The following XKR9 variants were observed in gnomAD, a reference collection of about 807,000 sequenced individuals.
XKR9 encodes XK-related protein 9.
Under a neutral mutation model 32.0 loss-of-function variants are expected in XKR9, and 32 were observed. The ratio of observed to expected loss-of-function variants is 1.00; its 90% confidence interval spans 0.76 to 1.34. The LOEUF is 1.34. Ranked by LOEUF, XKR9 falls within the 40% of genes most tolerant of loss-of-function variation. The probability of loss-of-function intolerance (pLI) is 0.00; values close to 1 mark genes in which losing one functional copy is unlikely to be tolerated. For synonymous variants in XKR9, 168 were observed against 143.4 expected, an observed-to-expected ratio of 1.17 and a Z score of -1.22; for missense variants, 546 against 429.7, an observed-to-expected ratio of 1.27 and a Z score of -2.39.
chr8:70,723,566 G>C (rs115935305), intron 4 of XKR9, among the ~76,000 whole-genome samples: 1,754 of 152,212 alleles, frequency 0.012, 32 homozygotes, highest in African/African-American at 0.038. Flanking sequence ...TTAACAGTCA[G>C]GCCCCTCTTC....
intron 2 of XKR9, among the ~76,000 whole-genome samples, chr8:70,678,936 G>C (rs1040281685): frequency 2.0e-5 from 3 of 152,136 alleles, no homozygotes; most frequent in Admixed American, 6.6e-5. Flanking sequence ...GTGTTAACTG[G>C]TCTGGCTGCC....
chr8:70,767,229 T>A (rs1480258561), intron 2 of XKR9, among the ~76,000 whole-genome samples: 1 of 152,198 alleles, frequency 6.6e-6, no homozygotes, highest in Non-Finnish European at 1.5e-5. Context: ...CGTCTGGACC[T>A]GGGATTTTTT....
intron 3 of XKR9, among the ~76,000 whole-genome samples, chr8:70,689,741 C>T (rs568206109): frequency 6.6e-6 from 1 of 152,090 alleles, no homozygotes; most frequent in South Asian, 2.1e-4. Context: ...ATATCCAGGA[C>T]TTATTTTGGG....
chr8:70,832,875 C>T, the XKR9 span, among the ~76,000 whole-genome samples: 3 of 152,092 alleles, frequency 2.0e-5, no homozygotes, highest in African/African-American at 4.8e-5. Context: ...ATAAGCCCCA[C>T]GAGGAGAAGA....
chr8:71,015,124 A>G, the XKR9 span, among the ~76,000 whole-genome samples: 1 of 152,216 alleles, frequency 6.6e-6, no homozygotes, highest in African/African-American at 2.4e-5. Flanking sequence ...ATTCTAAAAC[A>G]ATGCTTTTGG....
At chr8:70,995,600 A>G in the XKR9 span, among the ~76,000 whole-genome samples, 1 of 152,200 alleles carries the variant, frequency 6.6e-6, no homozygotes, top group African/African-American at 2.4e-5. Context: ...TATACTTGGT[A>G]TCTCTCCATT....
rs1563411666 is a variant in XKR9 at position 70,669,639 on chromosome 8, T to TGTGTG, written c.-361+101_-361+102insGTGTG. ...GTGTGTGTGTGTGTGTGTGTGTGTG[T>TGTGTG]AGTAGTAGTAGTAGTAGCCTGTTCA... On this transcript the variant is annotated intron_variant, in intron 1 of 4. Transcript: ENST00000408926. 2.4e-3 allele frequency: 220 copies of TGTGTG among 91,060 alleles called. 1 individual carries two copies. Among genetic ancestry groups the TGTGTG allele is most frequent in the African/African-American group, 8.8e-3 (206 of 23,372 alleles). 5.6% of individuals were successfully genotyped at this position (91,060 alleles called of 1,614,324 possible).
the XKR9 span, among the ~76,000 whole-genome samples, chr8:70,896,015 G>A: frequency 6.6e-6 from 1 of 151,984 alleles, no homozygotes; most frequent in East Asian, 1.9e-4. Flanking sequence ...TTTAAAAAAA[G>A]AAGATTTTTT....
chr8:70,709,932 GA>G (rs1424477756), intron 4 of XKR9, among the ~76,000 whole-genome samples: 1 of 151,716 alleles, frequency 6.6e-6, no homozygotes, highest in African/African-American at 2.4e-5. Flanking sequence ...TATACAGAAT[GA>G]AAAAAAGATT....
chr8:70,756,331 T>G (rs1807226094), intron 2 of XKR9, among the ~76,000 whole-genome samples: 2 of 152,260 alleles, frequency 1.3e-5, no homozygotes, highest in South Asian at 4.1e-4. Context: ...TTTTCAGCAT[T>G]ATTTTAATTG....
the XKR9 span, among the ~76,000 whole-genome samples, chr8:70,957,536 A>C: frequency 6.6e-6 from 1 of 151,206 alleles, no homozygotes; most frequent in Non-Finnish European, 1.5e-5. Flanking sequence ...TCCTCCTCCC[A>C]CTCCCCATCC....
intron 3 of XKR9, among the ~76,000 whole-genome samples, chr8:70,705,203 A>T (rs947801308): frequency 3.3e-5 from 5 of 152,178 alleles, no homozygotes; most frequent in African/African-American, 1.2e-4. Flanking sequence ...TTCATTTATT[A>T]CTTCAGTAAA....
At chr8:70,773,124 G>A (rs1807475757) in intron 2 of XKR9, among the ~76,000 whole-genome samples, 1 of 152,168 alleles carries the variant, frequency 6.6e-6, no homozygotes, top group South Asian at 2.1e-4. Context: ...TGATTACTGA[G>A]TGTTCAGGAA....
At chr8:71,011,826 T>C in the XKR9 span, among the ~76,000 whole-genome samples, 2 of 152,288 alleles carry the variant, frequency 1.3e-5, no homozygotes, top group South Asian at 2.1e-4. Context: ...CGGTATTAAT[T>C]TGGACTACAA....
At chr8:70,851,584 T>G in the XKR9 span, among the ~76,000 whole-genome samples, 279 of 151,942 alleles carry the variant, frequency 1.8e-3, 2 homozygotes, top group African/African-American at 6.4e-3. Context: ...CCAAAACAGA[T>G]GTATAGACCA....
At chr8:71,045,172 G>A in the XKR9 span, among the ~76,000 whole-genome samples, 2 of 152,176 alleles carry the variant, frequency 1.3e-5, no homozygotes, top group African/African-American at 4.8e-5. Context: ...TCAAGAAGCT[G>A]TAGGTTATAA....
At chr8:71,053,714 T>C in the XKR9 span, among the ~76,000 whole-genome samples, 2 of 152,250 alleles carry the variant, frequency 1.3e-5, no homozygotes, top group African/African-American at 4.8e-5. Flanking sequence ...AGTTGAAAGA[T>C]GGCCACAAAT....
At position 70,754,115 on chromosome 8, in the gene XKR9, C is replaced by A. The variant is rs188861146; in HGVS notation, n.353-35224C>A. 3.7e-3 allele frequency among the ~76,000 whole-genome samples: 534 copies of A among 143,256 alleles called. 32 individuals are homozygous for A. The highest frequency in any genetic ancestry group is 0.018 in the South Asian group (80 of 4,336). 94.0% of individuals were successfully genotyped at this position (143,256 alleles called of 152,430 possible). A position where few individuals can be genotyped will look rare whatever the true frequency, so the allele number is the denominator to read the frequency against. ...CAAAACTCACAAGCATTCTTATACA[C>A]CAATAACAGACAAACAGAGAGCCAA... On this transcript the variant is annotated intron_variant and non_coding_transcript_variant, in intron 2 of 3. Coordinates refer to the XKR9 transcript ENST00000520273.
chr8:70,976,738 GAGTT>G, the XKR9 span, among the ~76,000 whole-genome samples: 36 of 152,298 alleles, frequency 2.4e-4, no homozygotes, highest in Middle Eastern at 3.4e-3. Flanking sequence ...CCCATAAAAT[GAGTT>G]AGGGAGGATT....
Sources: gnomAD v4.1 joint callset for allele counts (sites outside exome capture counted in the v4.1 genomes callset) on GRCh38, gnomAD v4.1.1 for gene constraint, MANE v1.5 for transcripts, NCBI Gene and HGNC (gene_info 2026-07-23, HGNC 2026-07-21) for gene names.